The following ASTN2 variants were observed in gnomAD, a reference collection of about 807,000 sequenced individuals.
ASTN2 encodes astrotactin 2.
In ASTN2, 54 loss-of-function variants were observed where a neutral mutation model predicts 139.8. The ratio of observed to expected loss-of-function variants is 0.39; its 90% CI spans 0.31 to 0.48. The LOEUF (loss-of-function observed/expected upper bound fraction) is 0.48. ASTN2 is among the 20% of genes least tolerant of loss of function. The pLI is 0.95. For synonymous variants in ASTN2, 756 were observed against 719.5 expected (o/e 1.05, Z -0.81); for missense variants, 1,565 against 1,725.1 (o/e 0.91, Z 1.64).
chr9:117,288,620 T>A (rs536301711), intron 2 of ASTN2, among the ~76,000 whole-genome samples: 61 of 152,320 alleles, frequency 4.0e-4, no homozygotes, highest in African/African-American at 1.4e-3. Flanking sequence ...ATTAAACTCA[T>A]GAATCTCAGA....
chr9:116,602,559 A>G (rs1042014019), intron 19 of ASTN2, among the ~76,000 whole-genome samples: 1 of 152,176 alleles, frequency 6.6e-6, no homozygotes, highest in African/African-American at 2.4e-5. Flanking sequence ...GAAAAATGTT[A>G]AATTGTTTGG....
chr9:116,793,550 T>C (rs60328472), intron 13 of ASTN2, among the ~76,000 whole-genome samples: 2,594 of 152,280 alleles, frequency 0.017, 64 homozygotes, highest in African/African-American at 0.059. Flanking sequence ...TAGCTAGATA[T>C]TTAGATCATA....
chr9:116,775,424 G>A lies in ASTN2; in HGVS notation c.2396+30208C>T, dbSNP rs375372743. Among the ~76,000 whole-genome samples, 480 of 149,250 alleles carry A rather than the reference G, an allele frequency of 3.2e-3. 2 individuals carry two copies. The highest frequency in any genetic ancestry group is 5.8e-3 in the Admixed American group (86 of 14,892). On this transcript the variant is annotated intron_variant, in intron 13 of 22. Coordinates refer to ENST00000313400, the MANE Select transcript of ASTN2 (RefSeq NM_001365068.1). ...GGAAGGAAGGAAGAAAGGAGAGAGG[G>A]AGAGAGGGAGGGAGGAGAGGAGAAG...
chr9:116,606,520 A>C (rs1281232221), intron 19 of ASTN2, among the ~76,000 whole-genome samples: 2 of 152,210 alleles, frequency 1.3e-5, no homozygotes, highest in Admixed American at 6.5e-5. Context: ...AAATAATTCC[A>C]GCACTGGACT....
At chr9:116,710,115 G>A (rs1279522628) in intron 16 of ASTN2, among the ~76,000 whole-genome samples, 1 of 152,116 alleles carries the variant, frequency 6.6e-6, no homozygotes, top group Non-Finnish European at 1.5e-5. Context: ...GGTGCCAGAG[G>A]GAAGCTCAAT....
intron 4 of ASTN2, among the ~76,000 whole-genome samples, chr9:117,133,169 G>T (rs923920816): frequency 3.3e-5 from 5 of 152,206 alleles, no homozygotes; most frequent in African/African-American, 7.2e-5. Flanking sequence ...GGGGAGACCT[G>T]TGGAAATTAT....
chr9:116,642,141 AAAAAC>A, intron 17 of ASTN2, among the ~76,000 whole-genome samples: 1 of 145,860 alleles, frequency 6.9e-6, no homozygotes, highest in African/African-American at 2.6e-5. Flanking sequence ...ACAAAAAAAA[AAAAAC>A]AAAAAAAAAC....
chr9:116,984,478 G>A (rs1403199288), intron 7 of ASTN2, among the ~76,000 whole-genome samples: 1 of 152,084 alleles, frequency 6.6e-6, no homozygotes, highest in Non-Finnish European at 1.5e-5. Flanking sequence ...TGAGTCTATT[G>A]GTAAGAGCAG....
At position 116,780,837 on chromosome 9, in the gene ASTN2, C is replaced by G. The variant is rs543190577; in HGVS notation, c.2396+24795G>C. 6.7e-5 allele frequency among the ~76,000 whole-genome samples: 7 copies of G among 104,596 alleles called. No individual in the cohort carries two copies. The South Asian group carries it at 2.6e-3, about 39-fold the overall frequency. The allele number at this position is 104,596 out of a possible 152,430, so 68.6% of individuals were successfully genotyped here. A position where few individuals can be genotyped will look rare whatever the true frequency, so the allele number is the denominator to read the frequency against. On this transcript the variant is annotated intron_variant, in intron 13 of 22. Transcript: ENST00000313400. ...AATGAGTGAATGAATGAATGAATGTCAAATTCTTTTTTTTTTTTTGAGATG... is the reference window on the plus strand; with the variant it reads ...AATGAGTGAATGAATGAATGAATGTGAAATTCTTTTTTTTTTTTTGAGATG...
chr9:116,959,261 T>A (rs1835811325), intron 10 of ASTN2, among the ~76,000 whole-genome samples: 1 of 152,032 alleles, frequency 6.6e-6, no homozygotes, highest in South Asian at 2.1e-4. Context: ...CGTAGCCAGA[T>A]AAAGTGGCAG....
chr9:116,675,728 C>G (rs969560236), intron 16 of ASTN2, among the ~76,000 whole-genome samples: 5 of 152,076 alleles, frequency 3.3e-5, no homozygotes, highest in Admixed American at 3.3e-4. Context: ...ACTCAGAGAA[C>G]CCTCCTTATT....
At chr9:116,839,999 T>C (rs1588340685) in intron 11 of ASTN2, among the ~76,000 whole-genome samples, 1 of 147,170 alleles carries the variant, frequency 6.8e-6, no homozygotes, top group African/African-American at 2.6e-5. Flanking sequence ...AGGTCTCTGG[T>C]TTTCCTAGGC....
intron 19 of ASTN2, among the ~76,000 whole-genome samples, chr9:116,607,311 C>T (rs772877364): frequency 7.2e-5 from 11 of 152,032 alleles, no homozygotes; most frequent in Non-Finnish European, 1.5e-4. Context: ...ATACAAGATT[C>T]ATCATCTTGT....
chr9:116,565,415 A>ATTTATTTATT (rs1294670958), intron 19 of ASTN2, among the ~76,000 whole-genome samples: 1 of 102,248 alleles, frequency 9.8e-6, no homozygotes, highest in African/African-American at 4.2e-5. Flanking sequence ...ATATATATAT[A>ATTTATTTATT]TATATATATA....
intron 1 of ASTN2, among the ~76,000 whole-genome samples, chr9:117,338,779 G>A (rs528741691): frequency 6.6e-6 from 1 of 150,924 alleles, no homozygotes; most frequent in East Asian, 2.0e-4. Context: ...ATCTTTAATA[G>A]CAAAAAAATG....
chr9:116,655,873 T>TGTTG (rs112582225), intron 16 of ASTN2, among the ~76,000 whole-genome samples: 10 of 151,480 alleles, frequency 6.6e-5, no homozygotes, highest in Middle Eastern at 3.4e-3. Context: ...TCTTGTGTTT[T>TGTTG]TTGTTGTTGT....
At chr9:117,395,518 G>A (rs188483139) in intron 1 of ASTN2, among the ~76,000 whole-genome samples, 28 of 152,244 alleles carry the variant, frequency 1.8e-4, no homozygotes, top group African/African-American at 2.9e-4. Context: ...CTGCCCAACC[G>A]TCCCTAAAGG....
At chr9:116,480,344 T>A (rs985146402) in intron 20 of ASTN2, among the ~76,000 whole-genome samples, 1 of 152,136 alleles carries the variant, frequency 6.6e-6, no homozygotes, top group African/African-American at 2.4e-5. Flanking sequence ...CTCCTGAATA[T>A]TTGGTGAGAA....
At chr9:117,254,812 G>A (rs1833639757) in intron 2 of ASTN2, among the ~76,000 whole-genome samples, 2 of 151,194 alleles carry the variant, frequency 1.3e-5, no homozygotes, top group South Asian at 2.1e-4. Flanking sequence ...TATTCTGTTC[G>A]ATTACACATT....
Sources: allele counts gnomAD v4.1 joint callset (sites outside exome capture counted in the v4.1 genomes callset), GRCh38; gene constraint gnomAD v4.1.1; transcripts MANE v1.5; gene names NCBI Gene and HGNC (gene_info 2026-07-23, HGNC 2026-07-21).